Variants in NSMCE1 observed in about 807,000 individuals in gnomAD.
NSMCE1 encodes the protein non-structural maintenance of chromosomes element 1 homolog.
Under a neutral mutation model 29.6 loss-of-function variants are expected in NSMCE1, and 18 were observed. That is an observed-to-expected ratio of 0.61 (90% confidence interval 0.42 to 0.90). The LOEUF is 0.90. Ranked by LOEUF, NSMCE1 falls within the 40% of genes least tolerant of loss-of-function variation. The pLI, the probability that NSMCE1 is intolerant of heterozygous loss-of-function variation, is 0.00. For synonymous variants in NSMCE1, 124 were observed against 133.4 expected, an observed-to-expected ratio of 0.93 and a Z score of 0.49; for missense variants, 314 against 343.6, an observed-to-expected ratio of 0.91 and a Z score of 0.68.
chr16:27,241,206 A>C (rs2083889611), intron 2 of NSMCE1: 1 of 152,204 alleles, frequency 6.6e-6, no homozygotes, highest in South Asian at 2.1e-4. Context: ...GCAACAGGAA[A>C]TTGGGAAGTC....
At chr16:27,256,856 A>T (rs2084092842) in intron 2 of NSMCE1, among the ~76,000 whole-genome samples, 1 of 151,950 alleles carries the variant, frequency 6.6e-6, no homozygotes, top group Non-Finnish European at 1.5e-5. Flanking sequence ...AAGCTCCCCC[A>T]TTTTTTTGTT....
chr16:27,244,221 G>A (rs925322038), intron 2 of NSMCE1, among the ~76,000 whole-genome samples: 2 of 152,238 alleles, frequency 1.3e-5, no homozygotes, highest in Non-Finnish European at 2.9e-5. Context: ...CTCCGTTTAT[G>A]TTCACACTTT....
chr16:27,235,072 G>A, intron 3 of NSMCE1, 106 bp downstream of exon 3: 2 of 1,074,770 alleles, frequency 1.9e-6, no homozygotes, highest in Admixed American at 2.6e-5. Context: ...TGACTTCTTT[G>A]CAAAGAACTG....
At chr16:27,254,183 T>C (rs1329962550) in intron 2 of NSMCE1, among the ~76,000 whole-genome samples, 1 of 152,246 alleles carries the variant, frequency 6.6e-6, no homozygotes, top group Non-Finnish European at 1.5e-5. Flanking sequence ...TAAGTTTAGA[T>C]AATTTCTGTC....
intron 3 of NSMCE1, among the ~76,000 whole-genome samples, chr16:27,234,649 T>C (rs892805051): frequency 1.3e-5 from 2 of 152,256 alleles, no homozygotes; most frequent in Non-Finnish European, 2.9e-5. Flanking sequence ...TGTAATGTTT[T>C]TTTTCCAGGG....
At chr16:27,241,689 G>A in intron 2 of NSMCE1, 1 of 257,236 alleles carries the variant, frequency 3.9e-6, no homozygotes, top group Non-Finnish European at 8.2e-6. Flanking sequence ...ATGCTGGGAA[G>A]AGCCGGGTGG....
intron 2 of NSMCE1, among the ~76,000 whole-genome samples, chr16:27,249,316 T>C (rs569274877): frequency 1.3e-5 from 2 of 152,372 alleles, no homozygotes; most frequent in African/African-American, 2.4e-5. Context: ...CATTCTCTTA[T>C]GGAGCATGCT....
chr16:27,257,353 G>C, intron 2 of NSMCE1, 82 bp downstream of exon 2: 1 of 1,226,098 alleles, frequency 8.2e-7, no homozygotes, highest in South Asian at 1.8e-5. Flanking sequence ...CGGTTAACAA[G>C]TTACATGGTA....
chr16:27,243,637 T>C (rs151003733), intron 2 of NSMCE1, among the ~76,000 whole-genome samples: 26 of 152,280 alleles, frequency 1.7e-4, no homozygotes, highest in Admixed American at 5.2e-4. Flanking sequence ...CAGTAACTGA[T>C]ACTACCCTAA....
intron 1 of NSMCE1, chr16:27,266,388 T>C (rs2084224981): frequency 1.3e-5 from 2 of 152,172 alleles, no homozygotes; most frequent in Non-Finnish European, 2.9e-5. Context: ...CTTGTCTCTA[T>C]GAGAAGAGAC....
At chr16:27,240,153 A>G (rs2083877093) in intron 2 of NSMCE1, among the ~76,000 whole-genome samples, 1 of 152,130 alleles carries the variant, frequency 6.6e-6, no homozygotes, top group African/African-American at 2.4e-5. Flanking sequence ...ACTAAGCCCC[A>G]TGGGCTCCAC....
rs2083685994 is a variant in NSMCE1, at chr16:27,225,931, G to A, written c.601-85C>T. The A allele has an allele frequency of 2.7e-6, 4 of 1,507,718 alleles. 1 individual carries two copies. In the South Asian group the frequency reaches 4.6e-5, roughly 17 times the overall value. 93.4% of individuals were successfully genotyped at this position (1,507,718 alleles called of 1,614,324 possible). On this transcript the variant is annotated intron_variant, in intron 6 of 7. Coordinates refer to ENST00000361439, the MANE Select transcript of NSMCE1 (RefSeq NM_145080.4). ...TCCGGGGAAGCCACAAGGGAAATGGGCAGCAGGTGGCATCGTGTTATCTTC... is the reference window on the plus strand; with the variant it reads ...TCCGGGGAAGCCACAAGGGAAATGGACAGCAGGTGGCATCGTGTTATCTTC...
intron 2 of NSMCE1, among the ~76,000 whole-genome samples, chr16:27,237,241 C>T (rs2083835950): frequency 6.6e-6 from 1 of 152,350 alleles, no homozygotes; most frequent in Admixed American, 6.5e-5. Context: ...GACATCTGGC[C>T]TCGGCGGCTG....
chr16:27,225,019 T>C lies in NSMCE1; in HGVS notation c.*138A>G, dbSNP rs2083671456. The stretch of plus-strand genomic sequence containing the variant: ...TGCAGCAACTTCCCAGGATGGTTTA[T>C]TCCAAAGCTGTGGACGGTGAACATT... On this transcript the variant is annotated 3_prime_UTR_variant, in exon 8 of 8. Transcript: ENST00000361439. The C allele has an allele frequency of 1.6e-6, 1 of 622,946 alleles. No individual in the cohort carries two copies. Among genetic ancestry groups the C allele is most frequent in the East Asian group, 2.8e-5 (1 of 35,746 alleles). 38.6% of individuals were successfully genotyped at this position (622,946 alleles called of 1,614,324 possible). A position where few individuals can be genotyped will look rare whatever the true frequency, so the allele number is the denominator to read the frequency against.
intron 4 of NSMCE1, 23 bp downstream of exon 4, chr16:27,234,165 G>C: frequency 6.7e-7 from 1 of 1,499,224 alleles, no homozygotes. Flanking sequence ...CACCCAATGG[G>C]CAATGGGGAT....
rs2140990860 is a variant in NSMCE1, at chr16:27,234,259, G to A, written c.265C>T (p.Leu89Phe). The A allele has an allele frequency of 6.2e-7, 1 of 1,610,476 alleles. No individual in the cohort carries two copies. Among genetic ancestry groups the A allele is most frequent in the Non-Finnish European group, 8.5e-7 (1 of 1,176,640 alleles). ...ATTTTGGAAATTGAAGTTGTAGCAA[G>A]ATTCACCTAAGAAATAAGTCAGCAC... is the stretch of plus-strand genomic sequence containing the variant. ...DGRPIYALVNLATTSISKMAT... is the reference protein window; with the variant it reads ...DGRPIYALVNFATTSISKMAT... Residue 89 changes from leucine to phenylalanine, a missense_variant, in exon 4 of 8, where the codon CTT becomes TTT. Physicochemically the swap from Leu to Phe is conservative, Grantham distance 22 (BLOSUM62 0). Transcript: ENST00000361439.
rs1363835611 is a variant in NSMCE1, at chr16:27,251,167, T to TATATATATATATATATATAA, written c.136+6267_136+6268insTTATATATATATATATATAT. Among the ~76,000 whole-genome samples the TATATATATATATATATATAA allele has an allele frequency of 9.4e-5, 6 of 63,778 alleles. No individual in the cohort carries two copies. In the East Asian group the frequency reaches 4.1e-3, roughly 43 times the overall value. The allele number at this position is 63,778 out of a possible 152,430, so 41.8% of individuals were successfully genotyped here. A position where few individuals can be genotyped will look rare whatever the true frequency, so the allele number is the denominator to read the frequency against. ...TAATTTTAATTATTTAAAATATATA[T>TATATATATATATATATATAA]ATATATATATATATATATATATAAA... On this transcript the variant is annotated intron_variant, in intron 2 of 7. Coordinates refer to ENST00000361439, the MANE Select transcript of NSMCE1 (RefSeq NM_145080.4).
chr16:27,243,222 C>T (rs1299652779), intron 2 of NSMCE1, among the ~76,000 whole-genome samples: 1 of 152,198 alleles, frequency 6.6e-6, no homozygotes, highest in African/African-American at 2.4e-5. Flanking sequence ...CAAACAATGC[C>T]TGTAAGTTAT....
intron 2 of NSMCE1, chr16:27,257,202 A>G (rs190349173): frequency 7.6e-5 from 30 of 396,766 alleles, no homozygotes; most frequent in Non-Finnish European, 1.3e-4. Flanking sequence ...AACCACAACT[A>G]TACAGCTTTA....
Sources: allele counts gnomAD v4.1 joint callset (sites outside exome capture counted in the v4.1 genomes callset), GRCh38; gene constraint gnomAD v4.1.1; transcripts MANE v1.5; gene names NCBI Gene and HGNC (gene_info 2026-07-23, HGNC 2026-07-21).